DIAPH2: variants seen among roughly 807,000 people sequenced by gnomAD.
DIAPH2 encodes the protein protein diaphanous homolog 2.
A neutral mutation model predicts 92.7 loss-of-function variants in DIAPH2; 35 were observed. That is an observed-to-expected ratio of 0.38 (90% confidence interval 0.29 to 0.50). The LOEUF (loss-of-function observed/expected upper bound fraction) is 0.50. Ranked by LOEUF, DIAPH2 falls within the 20% of genes least tolerant of loss-of-function variation. DIAPH2 has a pLI of 0.94. For missense variants in DIAPH2, 701 were observed against 819.5 expected, an observed-to-expected ratio of 0.86 and a Z score of 1.77; for synonymous variants, 301 against 280.4, an observed-to-expected ratio of 1.07 and a Z score of -0.73.
chrX:97,150,728 TA>T (rs754104001), intron 22 of DIAPH2, among the ~76,000 whole-genome samples: 1 of 112,161 alleles, frequency 8.9e-6, no homozygotes, highest in South Asian at 3.7e-4. Flanking sequence ...CACTACAGTG[TA>T]AAGGTTTCTG....
At chrX:97,391,074 AAT>A (rs201948502) in intron 25 of DIAPH2, among the ~76,000 whole-genome samples, 3,299 of 111,655 alleles carry the variant, frequency 0.03, 55 homozygotes, top group Non-Finnish European at 0.046. Flanking sequence ...TGTACTTATA[AAT>A]ATGTTTCAAA....
chrX:97,499,261 G>A (rs761490826), intron 26 of DIAPH2, among the ~76,000 whole-genome samples: 1 of 112,045 alleles, frequency 8.9e-6, no homozygotes, highest in Non-Finnish European at 1.9e-5. Context: ...ATCTCTGGAT[G>A]TAGGGTCATT....
intron 23 of DIAPH2, among the ~76,000 whole-genome samples, chrX:97,279,310 CTTT>C (rs1256593896): frequency 2.1e-5 from 2 of 94,279 alleles, no homozygotes. Flanking sequence ...TTTTTTGAGA[CTTT>C]TTTTTTTTTT....
intron 23 of DIAPH2, among the ~76,000 whole-genome samples, chrX:97,253,589 TACA>T (rs1180431497): frequency 9.3e-6 from 1 of 107,191 alleles, no homozygotes; most frequent in Non-Finnish European, 1.9e-5. Context: ...CTACTAAAAC[TACA>T]AAAAAAAATT....
At chrX:97,083,633 A>G (rs971958876) in intron 19 of DIAPH2, among the ~76,000 whole-genome samples, 2 of 111,700 alleles carry the variant, frequency 1.8e-5, no homozygotes, top group African/African-American at 6.5e-5. Context: ...TTGCCTCTAG[A>G]CTTTGAAAAA....
At chrX:97,371,822 C>T (rs1219986962) in intron 24 of DIAPH2, among the ~76,000 whole-genome samples, 2 of 111,750 alleles carry the variant, frequency 1.8e-5, no homozygotes, top group African/African-American at 6.5e-5. Context: ...TCATTTCCCT[C>T]CACCTATACC....
intron 22 of DIAPH2, among the ~76,000 whole-genome samples, chrX:97,204,654 G>A (rs1383964900): frequency 1.8e-5 from 2 of 111,418 alleles, no homozygotes; most frequent in Non-Finnish European, 3.8e-5. Flanking sequence ...ACAAACCACT[G>A]CTCAAGGAAA....
At chrX:96,871,159 T>C (rs370110304) in intron 4 of DIAPH2, among the ~76,000 whole-genome samples, 20 of 111,636 alleles carry the variant, frequency 1.8e-4, no homozygotes, top group East Asian at 1.1e-3. Context: ...TTTACATACA[T>C]GAACTTTCTT....
intron 22 of DIAPH2, among the ~76,000 whole-genome samples, chrX:97,240,490 C>T (rs1325211057): frequency 9.2e-6 from 1 of 109,244 alleles, no homozygotes; most frequent in African/African-American, 3.4e-5. Flanking sequence ...CCTGTAGTCC[C>T]AGCTACTCAG....
chrX:96,809,906 C>T (rs1326609755), intron 4 of DIAPH2, among the ~76,000 whole-genome samples: 1 of 112,243 alleles, frequency 8.9e-6, no homozygotes, highest in Non-Finnish European at 1.9e-5. Context: ...TTTTCTTAAT[C>T]CAATCTATCA....
intron 26 of DIAPH2, among the ~76,000 whole-genome samples, chrX:97,441,178 G>C (rs745984994): frequency 9.0e-6 from 1 of 111,205 alleles, no homozygotes; most frequent in Non-Finnish European, 1.9e-5. Flanking sequence ...CACTTTGGGA[G>C]GCTGAGGCCG....
chrX:96,785,098 G>T (rs996607299), intron 4 of DIAPH2, among the ~76,000 whole-genome samples: 2 of 111,791 alleles, frequency 1.8e-5, no homozygotes, highest in African/African-American at 6.5e-5. Context: ...TTGTTAGGAG[G>T]GGAGTTAAAT....
intron 17 of DIAPH2, among the ~76,000 whole-genome samples, chrX:97,021,637 A>G (rs973900523): frequency 8.9e-6 from 1 of 112,345 alleles, no homozygotes; most frequent in Non-Finnish European, 1.9e-5. Flanking sequence ...TTAATAATTA[A>G]TAAATTAATG....
At chrX:97,271,011 C>T (rs1000894639) in intron 23 of DIAPH2, among the ~76,000 whole-genome samples, 7 of 111,073 alleles carry the variant, frequency 6.3e-5, no homozygotes, top group Non-Finnish European at 1.1e-4. Flanking sequence ...GTACTCTGCA[C>T]TAAGCTATTC....
At chrX:97,196,938 C>T (rs950039202) in intron 22 of DIAPH2, among the ~76,000 whole-genome samples, 9 of 109,458 alleles carry the variant, frequency 8.2e-5, no homozygotes, top group African/African-American at 2.7e-4. Context: ...AGACATGTGC[C>T]ACCACGCCTG....
At chrX:96,738,503 G>A (rs1022909494) in intron 2 of DIAPH2, 83 bp from the exon 3 acceptor site, 1 of 766,573 alleles carries the variant, frequency 1.3e-6, no homozygotes, top group Admixed American at 3.7e-5. Context: ...TATACTAAGT[G>A]CCGTTTTGAT....
chrX:97,567,174 C>G (rs929592047), intron 26 of DIAPH2, among the ~76,000 whole-genome samples: 2 of 111,930 alleles, frequency 1.8e-5, no homozygotes, highest in South Asian at 3.8e-4. Context: ...AGTTGTACTT[C>G]CCTTCTTTAT....
intron 11 of DIAPH2, among the ~76,000 whole-genome samples, chrX:96,938,882 G>A (rs780033179): frequency 8.9e-6 from 1 of 111,983 alleles, no homozygotes; most frequent in Non-Finnish European, 1.9e-5. Flanking sequence ...TGAAAATAGA[G>A]TAGTAGTGAT....
intron 2 of DIAPH2, 78 bp from the exon 3 acceptor site, chrX:96,738,508 T>C (rs1376900465): frequency 1.2e-6 from 1 of 857,526 alleles, no homozygotes; most frequent in East Asian, 3.2e-5. Context: ...TAAGTGCCGT[T>C]TTGATGTTTC....
Sources: gnomAD v4.1 joint callset for allele counts (sites outside exome capture counted in the v4.1 genomes callset) on GRCh38, gnomAD v4.1.1 for gene constraint, MANE v1.5 for transcripts, NCBI Gene and HGNC (gene_info 2026-07-23, HGNC 2026-07-21) for gene names.